VWF: variants seen among roughly 807,000 people sequenced by gnomAD.
The protein encoded by VWF is Factor VIII related antigen.
Under a neutral mutation model 308.6 loss-of-function variants are expected in VWF, and 176 were observed. That is an observed-to-expected ratio of 0.57 (90% confidence interval 0.50 to 0.65). The LOEUF (loss-of-function observed/expected upper bound fraction) is 0.65. Among genes scored for constraint, VWF ranks in the 30% least tolerant of loss-of-function variants. The pLI is 0.00. For synonymous variants in VWF, 1,385 were observed against 1,443.4 expected (o/e 0.96, Z 0.92); for missense variants, 3,146 against 3,648.2 (o/e 0.86, Z 3.55).
intron 3 of VWF, among the ~76,000 whole-genome samples, chr12:6,117,039 A>G (rs1032633187): frequency 6.6e-6 from 1 of 150,844 alleles, no homozygotes; most frequent in African/African-American, 2.4e-5. Flanking sequence ...CTTCTCCCAC[A>G]CACCCCAAAC....
At chr12:6,096,770 C>A (rs531531734) in intron 5 of VWF, among the ~76,000 whole-genome samples, 5 of 152,126 alleles carry the variant, frequency 3.3e-5, no homozygotes, top group Non-Finnish European at 5.9e-5. Flanking sequence ...AAAGTAATTG[C>A]GTAATCTGTA....
chr12:6,062,309 A>G (rs1465037201), intron 13 of VWF, among the ~76,000 whole-genome samples: 2 of 152,014 alleles, frequency 1.3e-5, no homozygotes, highest in Non-Finnish European at 2.9e-5. Context: ...AGAGGAGTCT[A>G]TCCTAGCCCT....
At position 5,949,147 on chromosome 12, in the gene VWF, C is replaced by T. The variant is rs746318855; in HGVS notation, c.8310G>A (p.Gln2770=). 6.2e-7 allele frequency: 1 copy of T among 1,614,146 alleles called. No homozygotes were observed. The highest frequency in any genetic ancestry group is 1.3e-5 in the African/African-American group (1 of 74,952). ...TCCGTGTCGGAGAGCAGCAGGAGCA[C>T]TGGTCCTGCACATCGTTGATGTCAA... is the stretch of plus-strand genomic sequence containing the variant. ...YSIDINDVQD[Q]CSCCSPTRTE... is the part of the protein sequence containing the mutation. The change falls in exon 52 of 52, where the codon CAG becomes CAA. Residue 2770 remains glutamine, a synonymous_variant. Transcript: ENST00000261405.
intron 39 of VWF, 65 bp downstream of exon 39, chr12:5,985,498 G>A: frequency 6.6e-7 from 1 of 1,522,372 alleles, no homozygotes; most frequent in Non-Finnish European, 9.0e-7. Context: ...GAAGATGGGT[G>A]GCTGGGGGGC....
chr12:6,073,499 T>C, intron 8 of VWF, 120 bp downstream of exon 8: 1 of 1,417,688 alleles, frequency 7.1e-7, no homozygotes, highest in South Asian at 1.2e-5. Context: ...TTTAAAAACT[T>C]AATAAAAGGC....
At chr12:6,110,148 A>C (rs1565393656) in intron 5 of VWF, among the ~76,000 whole-genome samples, 1 of 152,192 alleles carries the variant, frequency 6.6e-6, no homozygotes, top group Non-Finnish European at 1.5e-5. Context: ...GTTGCTACAG[A>C]GAATTCAAAG....
chr12:6,091,752 A>T (rs917246438), intron 6 of VWF, among the ~76,000 whole-genome samples: 1 of 152,184 alleles, frequency 6.6e-6, no homozygotes, highest in Non-Finnish European at 1.5e-5. Context: ...GAACCTGCAA[A>T]GCCCAACTCC....
chr12:6,013,370 A>G (rs1944019264), intron 32 of VWF, 111 bp downstream of exon 32: 1 of 1,372,488 alleles, frequency 7.3e-7, no homozygotes, highest in Non-Finnish European at 1.0e-6. Context: ...TTCAAGGCCA[A>G]ATCTTATGCA....
chr12:6,013,417 TC>T, intron 32 of VWF, 63 bp downstream of exon 32: 4 of 1,604,332 alleles, frequency 2.5e-6, no homozygotes, highest in Non-Finnish European at 3.4e-6. Context: ...TATTTTTGTT[TC>T]TTTGGCGGGT....
At chr12:6,044,265 C>A (rs1297326235) in intron 18 of VWF, 26 bp downstream of exon 18, 1 of 1,613,410 alleles carries the variant, frequency 6.2e-7, no homozygotes, top group African/African-American at 1.3e-5. Context: ...GAAGGGCAGG[C>A]ACCAGCTCTG....
Position 5,948,998 on chromosome 12 carries a change from A to G in VWF, c.*17T>C, listed in dbSNP as rs1943144971. The stretch of plus-strand genomic sequence containing the variant: ...CCAAGGCAGGCAGCAGCAGGCACCC[A>G]TGCAGCTGCAGCAGCCTCACTTGCT... On this transcript the variant is annotated 3_prime_UTR_variant, in exon 52 of 52. Transcript: ENST00000261405. The surrounding 1 kb of genome is among the most constrained non-coding windows in gnomAD (Gnocchi z 4.4). The G allele has an allele frequency of 6.2e-7, 1 of 1,608,062 alleles. No individual in the cohort carries two copies. The highest frequency in any genetic ancestry group is 8.5e-7 in the Non-Finnish European group (1 of 1,177,472).
chr12:6,074,443 C>G (rs1297242684), intron 7 of VWF, among the ~76,000 whole-genome samples: 1 of 149,264 alleles, frequency 6.7e-6, no homozygotes, highest in Non-Finnish European at 1.5e-5. Context: ...TAACCCTTCT[C>G]CAAGATACAT....
At chr12:5,995,510 G>A (rs112578717) in intron 35 of VWF, among the ~76,000 whole-genome samples, 1 of 152,096 alleles carries the variant, frequency 6.6e-6, no homozygotes, top group Admixed American at 6.5e-5. Flanking sequence ...TTGGCATAGT[G>A]TAACCTTTTG....
chr12:6,088,134 T>C (rs75197649), intron 6 of VWF, among the ~76,000 whole-genome samples: 2,635 of 152,318 alleles, frequency 0.017, 75 homozygotes, highest in African/African-American at 0.058. Context: ...GTTCAGTTAT[T>C]ATGTTTATCT....
chr12:5,983,289 T>C, intron 40 of VWF, 35 bp from the exon 41 acceptor site: 1 of 1,601,030 alleles, frequency 6.2e-7, no homozygotes, highest in Non-Finnish European at 8.5e-7. Flanking sequence ...CATGCAGAGT[T>C]CAGAAAGGTT....
chr12:6,077,024 G>A (rs1412729413), intron 6 of VWF, among the ~76,000 whole-genome samples: 1 of 152,182 alleles, frequency 6.6e-6, no homozygotes, highest in East Asian at 1.9e-4. Context: ...AAGCCAAGCA[G>A]GCAGGCCTGG....
At chr12:5,988,171 C>A (rs11063975) in intron 38 of VWF, among the ~76,000 whole-genome samples, 11,321 of 152,136 alleles carry the variant, frequency 0.074, 591 homozygotes, top group East Asian at 0.24. Context: ...AAGGCACAGA[C>A]GAAGGAACAC....
intron 34 of VWF, among the ~76,000 whole-genome samples, chr12:6,003,169 G>A (rs1210076453): frequency 6.6e-6 from 1 of 152,148 alleles, no homozygotes; most frequent in Non-Finnish European, 1.5e-5. Context: ...ATCATAAAAA[G>A]GAACCAAAAA....
intron 5 of VWF, among the ~76,000 whole-genome samples, chr12:6,108,805 C>A (rs1945272162): frequency 1.3e-5 from 2 of 151,864 alleles, no homozygotes; most frequent in South Asian, 2.1e-4. Flanking sequence ...CACAGTGAAA[C>A]CCTGTCTCTA....
Sources: gnomAD v4.1 joint callset for allele counts (sites outside exome capture counted in the v4.1 genomes callset) on GRCh38, gnomAD v4.1.1 for gene constraint, Gnocchi (gnomAD v3.1) non-coding constraint, MANE v1.5 for transcripts, NCBI Gene and HGNC (gene_info 2026-07-23, HGNC 2026-07-21) for gene names.